The following NSUN6 variants were observed in gnomAD, a reference collection of about 807,000 sequenced individuals.
The protein encoded by NSUN6 is tRNA (cytosine(72)-C(5))-methyltransferase NSUN6.
In NSUN6, 64 loss-of-function variants were observed where a neutral mutation model predicts 58.0. The observed-to-expected ratio is 1.10, with a 90% CI of 0.90 to 1.36. NSUN6 has a LOEUF of 1.36. NSUN6 is among the 40% of genes most tolerant of loss of function. The pLI is 0.00. For missense variants in NSUN6, 701 were observed against 550.1 expected (o/e 1.27, Z -2.74); for synonymous variants, 231 against 193.9 (o/e 1.19, Z -1.59).
intron 3 of NSUN6, among the ~76,000 whole-genome samples, chr10:18,616,804 T>A (rs10829022): frequency 2.0e-5 from 3 of 151,918 alleles, no homozygotes; most frequent in African/African-American, 4.8e-5. Flanking sequence ...AAAATCTGTA[T>A]TACTTCTAAC....
chr10:18,621,311 T>C (rs1451953107), intron 3 of NSUN6, among the ~76,000 whole-genome samples: 1 of 152,146 alleles, frequency 6.6e-6, no homozygotes, highest in East Asian at 1.9e-4. Context: ...CTTGTGATGG[T>C]TTTCCCTTTG....
At chr10:18,649,899 G>T (rs1316232076) in intron 1 of NSUN6, among the ~76,000 whole-genome samples, 1 of 152,056 alleles carries the variant, frequency 6.6e-6, no homozygotes, top group Non-Finnish European at 1.5e-5. Flanking sequence ...TTTCCATACA[G>T]TCTAGTACCT....
intron 7 of NSUN6, among the ~76,000 whole-genome samples, chr10:18,592,292 T>C (rs1455884838): frequency 6.6e-6 from 1 of 152,174 alleles, no homozygotes; most frequent in African/African-American, 2.4e-5. Context: ...ATGGCCATAA[T>C]GCCCAAAGTA....
chr10:18,551,927 C>T lies in NSUN6; in HGVS notation c.967G>A (p.Asp323Asn), dbSNP rs774705707. ...LPESFDRILL[D>N]APCSGMGQRP... ...TGTCCCATTCCACTACAGGGTGCAT[C>T]CAGAAGAATTCGGTCAAAGGATTCT... Residue 323 changes from aspartate to asparagine, a missense_variant, in exon 9 of 11, where the codon GAT becomes AAT. By Grantham distance (23) the Asp-to-Asn change is conservative. Coordinates refer to ENST00000377304, the MANE Select transcript of NSUN6 (RefSeq NM_182543.5). 1.1e-5 allele frequency: 17 copies of T among 1,609,744 alleles called. No homozygotes were observed. The highest frequency in any genetic ancestry group is 1.7e-4 in the Middle Eastern group (1 of 6,050).
chr10:18,619,685 C>T (rs750122806), intron 3 of NSUN6, among the ~76,000 whole-genome samples: 32 of 152,094 alleles, frequency 2.1e-4, no homozygotes, highest in Non-Finnish European at 4.4e-4. Context: ...ATCTAATTCA[C>T]CATACATATT....
chr10:18,628,369 C>T (rs374801437), intron 3 of NSUN6, among the ~76,000 whole-genome samples: 2 of 152,202 alleles, frequency 1.3e-5, no homozygotes, highest in East Asian at 1.9e-4. Context: ...CAAAGGAATA[C>T]AGTTCCTCAC....
At chr10:18,637,392 C>A (rs2059253425) in intron 3 of NSUN6, among the ~76,000 whole-genome samples, 1 of 152,202 alleles carries the variant, frequency 6.6e-6, no homozygotes, top group Non-Finnish European at 1.5e-5. Context: ...TAGATCACTA[C>A]AAAGAACAGA....
At chr10:18,549,317 C>A (rs2054468799) in intron 9 of NSUN6, among the ~76,000 whole-genome samples, 2 of 152,168 alleles carry the variant, frequency 1.3e-5, no homozygotes, top group South Asian at 2.1e-4. Flanking sequence ...CTGGAACACA[C>A]AAGACACACT....
intron 8 of NSUN6, among the ~76,000 whole-genome samples, chr10:18,568,562 CCATTCCATTCCCCTTTCCATTG>C (rs2056133578): frequency 1.3e-5 from 2 of 151,280 alleles, no homozygotes; most frequent in African/African-American, 2.4e-5. Flanking sequence ...ATTCTCCTTT[CCATTCCATTCCCCTTTCCATTG>C]CATTCCATTC....
intron 3 of NSUN6, among the ~76,000 whole-genome samples, chr10:18,627,516 G>C (rs2058854539): frequency 1.3e-5 from 2 of 152,284 alleles, no homozygotes; most frequent in Non-Finnish European, 2.9e-5. Context: ...CATCTCACTA[G>C]GGAGTGCCAG....
intron 3 of NSUN6, among the ~76,000 whole-genome samples, chr10:18,631,870 C>T (rs1784500183): frequency 6.6e-6 from 1 of 152,182 alleles, no homozygotes; most frequent in Non-Finnish European, 1.5e-5. Flanking sequence ...CATCAAGCTA[C>T]CAATGACTTT....
chr10:18,568,292 C>T (rs2056111043), intron 8 of NSUN6, among the ~76,000 whole-genome samples: 1 of 151,512 alleles, frequency 6.6e-6, no homozygotes, highest in Admixed American at 6.6e-5. Flanking sequence ...TTTTTCCATT[C>T]CAGTTCATTC....
chr10:18,621,343 T>C (rs1460163580), intron 3 of NSUN6, among the ~76,000 whole-genome samples: 1 of 152,194 alleles, frequency 6.6e-6, no homozygotes, highest in Non-Finnish European at 1.5e-5. Flanking sequence ...TCATATTCTT[T>C]CACTGTAACA....
At chr10:18,630,424 T>G (rs201792030) in intron 3 of NSUN6, among the ~76,000 whole-genome samples, 5 of 151,112 alleles carry the variant, frequency 3.3e-5, no homozygotes, top group Non-Finnish European at 5.9e-5. Flanking sequence ...CTGAAGGAAA[T>G]AGAGACACAA....
chr10:18,658,113 C>G (rs530441580), upstream of NSUN6: 1 of 152,202 alleles, frequency 6.6e-6, no homozygotes, highest in South Asian at 2.1e-4. Context: ...ATTACTTACA[C>G]AAACACAAAA....
chr10:18,645,957 A>G (rs748233149), intron 2 of NSUN6, among the ~76,000 whole-genome samples: 4 of 152,148 alleles, frequency 2.6e-5, no homozygotes, highest in Admixed American at 6.6e-5. Context: ...CATTTTGGGA[A>G]GCCAAGGCAC....
chr10:18,546,066 G>A lies in NSUN6; in HGVS notation c.1277C>T (p.Pro426Leu), dbSNP rs775795272. 1 of 1,607,126 alleles carries A rather than the reference G, an allele frequency of 6.2e-7. No individual in the cohort carries two copies. The highest frequency in any genetic ancestry group is 1.1e-5 in the South Asian group (1 of 89,698). Residue 426 changes from proline (P) to leucine (L), a missense_variant, in exon 11 of 11, where the codon CCA (proline) becomes CTA (leucine). Pro to Leu is a moderately conservative substitution (Grantham distance 98). Transcript: ENST00000377304. ...EQLKQLQRFDPSAVPLPDTDM... is the reference protein window; with the variant it reads ...EQLKQLQRFDLSAVPLPDTDM... ...AGTGTCCGGTAATGGCACAGCCGAT[G>A]GATCAAATCGCTGCAGCTGTTTCAA... is the stretch of plus-strand genomic sequence containing the variant.
At chr10:18,546,196 T>TC in intron 10 of NSUN6, 51 bp from the exon 11 acceptor site, 2 of 1,189,392 alleles carry the variant, frequency 1.7e-6, no homozygotes, top group Non-Finnish European at 2.5e-6. Context: ...AATTAGCAAG[T>TC]ATGACTGCTA....
At chr10:18,582,754 G>A (rs750908807) in intron 8 of NSUN6, among the ~76,000 whole-genome samples, 4 of 152,104 alleles carry the variant, frequency 2.6e-5, no homozygotes, top group African/African-American at 4.8e-5. Flanking sequence ...TGAGCCCTGC[G>A]AAAACTAAAA....
Sources: allele counts gnomAD v4.1 joint callset (sites outside exome capture counted in the v4.1 genomes callset), GRCh38; gene constraint gnomAD v4.1.1; transcripts MANE v1.5; gene names NCBI Gene and HGNC (gene_info 2026-07-23, HGNC 2026-07-21).